Variants in HYCC1 observed in about 807,000 individuals in gnomAD.
HYCC1 encodes the protein hyccin PI4KA lipid kinase complex subunit 1, also known as hyccin.
At chr7:23,003,212 T>C in the HYCC1 span, among the ~76,000 whole-genome samples, 1 of 152,112 alleles carries the variant, frequency 6.6e-6, no homozygotes, top group Admixed American at 6.6e-5. Context: ...GCTCTTTTTT[T>C]TTCTTATATT....
the HYCC1 span, among the ~76,000 whole-genome samples, chr7:22,972,973 G>C: frequency 6.6e-6 from 1 of 152,204 alleles, no homozygotes; most frequent in Non-Finnish European, 1.5e-5. Context: ...ATTTGTCACT[G>C]AATCTAGTTC....
chr7:22,899,562 C>A, the HYCC1 span, among the ~76,000 whole-genome samples: 2 of 152,164 alleles, frequency 1.3e-5, no homozygotes, highest in African/African-American at 4.8e-5. Flanking sequence ...TAATGAGTAG[C>A]TGTACCCTCC....
the HYCC1 span, chr7:22,978,461 C>G: frequency 6.2e-7 from 1 of 1,609,988 alleles, no homozygotes; most frequent in Non-Finnish European, 8.5e-7. Flanking sequence ...AGAAGAAAGA[C>G]AAAATGTTAA....
chr7:22,995,960 TG>T, the HYCC1 span, among the ~76,000 whole-genome samples: 1 of 152,124 alleles, frequency 6.6e-6, no homozygotes, highest in African/African-American at 2.4e-5. Flanking sequence ...GCCTGGCCCC[TG>T]GTAAGTTCCT....
the HYCC1 span, among the ~76,000 whole-genome samples, chr7:22,972,243 A>C: frequency 6.6e-6 from 1 of 152,278 alleles, no homozygotes; most frequent in East Asian, 1.9e-4. Flanking sequence ...CAGGAGCAAA[A>C]TGGCTTACTC....
chr7:23,011,670 C>A, the HYCC1 span, among the ~76,000 whole-genome samples: 1 of 152,190 alleles, frequency 6.6e-6, no homozygotes, highest in Non-Finnish European at 1.5e-5. Context: ...TTCCTACTAA[C>A]CCCTGCATTC....
chr7:22,996,597 TAAAAAAAA>T, the HYCC1 span, among the ~76,000 whole-genome samples: 25,753 of 106,676 alleles, frequency 0.24, 3,093 homozygotes, highest in Admixed American at 0.32. Context: ...GTACAATTGT[TAAAAAAAA>T]AAAAAAAAAA....
At chr7:22,999,410 T>C in the HYCC1 span, among the ~76,000 whole-genome samples, 1 of 152,156 alleles carries the variant, frequency 6.6e-6, no homozygotes, top group Non-Finnish European at 1.5e-5. Flanking sequence ...ATGATAAAGT[T>C]TATGTTAACA....
the HYCC1 span, among the ~76,000 whole-genome samples, chr7:22,972,704 G>C: frequency 4.6e-5 from 7 of 152,082 alleles, no homozygotes; most frequent in Non-Finnish European, 7.4e-5. Context: ...CCTGACTATA[G>C]CTTATTCAGT....
At chr7:22,952,580 A>G in the HYCC1 span, among the ~76,000 whole-genome samples, 4 of 152,058 alleles carry the variant, frequency 2.6e-5, no homozygotes, top group African/African-American at 9.6e-5. Context: ...CATAGCACGA[A>G]GTCTGGATTT....
At chr7:22,926,786 T>C in the HYCC1 span, among the ~76,000 whole-genome samples, 1 of 150,350 alleles carries the variant, frequency 6.7e-6, no homozygotes, top group Non-Finnish European at 1.5e-5. Context: ...AGACAGAAAG[T>C]CAACAAGGAT....
At chr7:22,896,227 A>C in the HYCC1 span, among the ~76,000 whole-genome samples, 2 of 152,356 alleles carry the variant, frequency 1.3e-5, no homozygotes, top group Non-Finnish European at 2.9e-5. Context: ...ATACAGGAGA[A>C]AGGGACAAAA....
At chr7:22,946,953 T>G in the HYCC1 span, 7 of 1,544,898 alleles carry the variant, frequency 4.5e-6, no homozygotes, top group Non-Finnish European at 6.1e-6. Flanking sequence ...TTAAGATACC[T>G]TGGAGTGCAG....
At chr7:22,961,350 AAATTAT>A in the HYCC1 span, 2 of 1,247,708 alleles carry the variant, frequency 1.6e-6, no homozygotes, top group East Asian at 2.4e-5. Context: ...TTAAATGAAG[AAATTAT>A]AATTATTTAT....
At chr7:22,934,894 C>A in the HYCC1 span, 1 of 152,180 alleles carries the variant, frequency 6.6e-6, no homozygotes. Flanking sequence ...TTCCAGACTC[C>A]TAGAAGCAAA....
chr7:22,924,405 C>T, the HYCC1 span, among the ~76,000 whole-genome samples: 1 of 152,166 alleles, frequency 6.6e-6, no homozygotes, highest in Non-Finnish European at 1.5e-5. Flanking sequence ...CCGGGAAACA[C>T]AAGGGGTCAG....
the HYCC1 span, among the ~76,000 whole-genome samples, chr7:22,904,897 A>C: frequency 2.0e-5 from 3 of 150,236 alleles, no homozygotes; most frequent in Admixed American, 6.6e-5. Context: ...GAAAGAAAAG[A>C]GGTTTAATTG....
chr7:22,962,329 A>T, the HYCC1 span, among the ~76,000 whole-genome samples: 1 of 152,162 alleles, frequency 6.6e-6, no homozygotes, highest in Admixed American at 6.5e-5. Context: ...TGTATCCACC[A>T]CAGGCTCTTC....
chr7:22,991,089 A>G, the HYCC1 span: 1 of 1,610,352 alleles, frequency 6.2e-7, no homozygotes, highest in Non-Finnish European at 8.5e-7. Flanking sequence ...TTCCTCCACA[A>G]CCCCTTTCTC....
Sources: gnomAD v4.1 joint callset for allele counts (sites outside exome capture counted in the v4.1 genomes callset) on GRCh38, gnomAD v4.1.1 for gene constraint, MANE v1.5 for transcripts, NCBI Gene and HGNC (gene_info 2026-07-23, HGNC 2026-07-21) for gene names.